The following TBCK variants were observed in gnomAD, a reference collection of about 807,000 sequenced individuals.
TBCK encodes the protein TBC domain-containing protein kinase-like protein.
In TBCK, 99 loss-of-function variants were observed where a neutral mutation model predicts 113.4. That is an observed-to-expected ratio of 0.87 (90% CI 0.74 to 1.03). The LOEUF is 1.03. Ranked by LOEUF, TBCK falls within the 50% of genes least tolerant of loss-of-function variation. The pLI, the probability that TBCK is intolerant of heterozygous loss-of-function variation, is 0.00. For missense variants in TBCK, 1,045 were observed against 1,061.3 expected (o/e 0.98, Z 0.21); for synonymous variants, 369 against 370.8 (o/e 1.00, Z 0.05).
At chr4:106,098,565 G>C (rs191327048) in intron 24 of TBCK, among the ~76,000 whole-genome samples, 1 of 152,086 alleles carries the variant, frequency 6.6e-6, no homozygotes, top group Admixed American at 6.5e-5. Context: ...ATACTTGAAA[G>C]CGTTAAAAGA....
intron 24 of TBCK, among the ~76,000 whole-genome samples, chr4:106,104,176 C>A (rs1189899923): frequency 6.6e-6 from 1 of 152,194 alleles, no homozygotes. Context: ...AGGTTAGACT[C>A]CTGTACATAC....
intron 24 of TBCK, among the ~76,000 whole-genome samples, chr4:106,110,703 G>C (rs1398199683): frequency 6.6e-6 from 1 of 152,070 alleles, no homozygotes; most frequent in Non-Finnish European, 1.5e-5. Context: ...AACGTTATGG[G>C]CTTTAGTTAG....
intron 3 of TBCK, 60 bp from the exon 4 acceptor site, chr4:106,262,272 C>G: frequency 7.4e-6 from 7 of 944,776 alleles, no homozygotes; most frequent in Non-Finnish European, 1.1e-5. Flanking sequence ...CTTGTTTTAA[C>G]AAGTGAAATG....
intron 23 of TBCK, 102 bp from the exon 24 acceptor site, chr4:106,116,480 G>T (rs1743522022): frequency 1.1e-6 from 1 of 944,314 alleles, no homozygotes; most frequent in Non-Finnish European, 1.6e-6. Context: ...CAGCATATAA[G>T]AGAAGAGGAA....
At chr4:106,236,368 CT>C in intron 14 of TBCK, 21 bp downstream of exon 14, 2 of 1,426,882 alleles carry the variant, frequency 1.4e-6, no homozygotes, top group East Asian at 2.6e-5. Flanking sequence ...ATTGTTAACA[CT>C]TTATACTTTA....
intron 3 of TBCK, among the ~76,000 whole-genome samples, chr4:106,290,333 A>G (rs1190133053): frequency 6.6e-6 from 1 of 151,912 alleles, no homozygotes; most frequent in Admixed American, 6.6e-5. Flanking sequence ...GCCTGCCACC[A>G]CGCCTGGTTA....
At chr4:106,254,612 A>T (rs1408258252) in intron 5 of TBCK, among the ~76,000 whole-genome samples, 1 of 152,112 alleles carries the variant, frequency 6.6e-6, no homozygotes, top group South Asian at 2.1e-4. Flanking sequence ...TTTTCTCAAA[A>T]TTTCAGTTTA....
At chr4:106,173,154 G>C (rs531724933) in intron 22 of TBCK, among the ~76,000 whole-genome samples, 5 of 152,222 alleles carry the variant, frequency 3.3e-5, no homozygotes, top group African/African-American at 1.2e-4. Flanking sequence ...ATAAAACAGA[G>C]TGAAACAAGC....
At chr4:106,315,231 C>T (rs1768668714) in intron 1 of TBCK, among the ~76,000 whole-genome samples, 1 of 152,110 alleles carries the variant, frequency 6.6e-6, no homozygotes, top group African/African-American at 2.4e-5. Flanking sequence ...TATTTTGAAG[C>T]CCCTATTTTA....
At chr4:106,160,122 A>G (rs1383777276) in intron 23 of TBCK, among the ~76,000 whole-genome samples, 2 of 152,046 alleles carry the variant, frequency 1.3e-5, no homozygotes, top group East Asian at 3.9e-4. Context: ...TACAAAAATT[A>G]AATCAAAATA....
intron 19 of TBCK, among the ~76,000 whole-genome samples, chr4:106,213,986 G>C (rs868862080): frequency 3.9e-5 from 6 of 152,180 alleles, no homozygotes; most frequent in Admixed American, 6.5e-5. Flanking sequence ...GCTTTGAAGA[G>C]AGCAGTGGTT....
At chr4:106,206,114 A>C (rs1381937108) in intron 20 of TBCK, among the ~76,000 whole-genome samples, 1 of 152,158 alleles carries the variant, frequency 6.6e-6, no homozygotes, top group African/African-American at 2.4e-5. Context: ...TGAGGTCCTC[A>C]ATAATTTTTC....
At chr4:106,231,913 G>A in intron 17 of TBCK, 134 bp from the exon 18 acceptor site, 3 of 787,866 alleles carry the variant, frequency 3.8e-6, no homozygotes, top group Non-Finnish European at 6.2e-6. Context: ...CCAGAAATAT[G>A]TTACTTCATG....
chr4:106,258,101 A>G (rs1392876477), intron 5 of TBCK, among the ~76,000 whole-genome samples: 1 of 152,106 alleles, frequency 6.6e-6, no homozygotes, highest in East Asian at 1.9e-4. Flanking sequence ...AAATTATTAA[A>G]AAATAATAAG....
At chr4:106,295,206 T>TA in intron 2 of TBCK, 40 bp from the exon 3 acceptor site, 2 of 1,584,446 alleles carry the variant, frequency 1.3e-6, no homozygotes, top group East Asian at 4.5e-5. Context: ...ATTTTATCAA[T>TA]ACAACATGTT....
intron 23 of TBCK, among the ~76,000 whole-genome samples, chr4:106,122,437 A>T (rs1440795941): frequency 1.3e-5 from 2 of 152,196 alleles, no homozygotes; most frequent in Non-Finnish European, 2.9e-5. Context: ...GTTGAATTCT[A>T]CCAGAGGTAC....
chr4:106,052,799 G>A (rs1047382462), intron 25 of TBCK, among the ~76,000 whole-genome samples: 1 of 151,526 alleles, frequency 6.6e-6, no homozygotes. Flanking sequence ...GGTATAACGA[G>A]CTGCTAGGTC....
At chr4:106,094,320 T>G (rs1424703641) in intron 25 of TBCK, among the ~76,000 whole-genome samples, 8 of 152,184 alleles carry the variant, frequency 5.3e-5, no homozygotes, top group African/African-American at 1.9e-4. Flanking sequence ...TTGAATTGAA[T>G]GGAGGAATTA....
chr4:106,043,816 CAG>C lies in TBCK; in HGVS notation c.*2752_*2753del. On this transcript the variant is annotated 3_prime_UTR_variant, in exon 26 of 26. Transcript: ENST00000394708. ...ATGGCATTCCAGGTAAAGCCAGAAA[CAG>C]TGCTGATAGTCATCGTGTAGGAATC... The C allele has an allele frequency of 6.6e-6, 1 of 151,824 alleles. No homozygotes were observed. The highest frequency in any genetic ancestry group is 1.5e-5 in the Non-Finnish European group (1 of 67,980). The allele number at this position is 151,824 out of a possible 1,614,324, so 9.4% of individuals were successfully genotyped here.
Sources: allele counts gnomAD v4.1 joint callset (sites outside exome capture counted in the v4.1 genomes callset), GRCh38; gene constraint gnomAD v4.1.1; transcripts MANE v1.5; gene names NCBI Gene and HGNC (gene_info 2026-07-23, HGNC 2026-07-21).